Variants in NELL2 observed in about 807,000 individuals in gnomAD.
NELL2 encodes the protein protein kinase C-binding protein NELL2.
In NELL2, 41 loss-of-function variants were observed where a neutral mutation model predicts 109.6. That is an observed-to-expected ratio of 0.37 (90% CI 0.29 to 0.49). The LOEUF is 0.49. Ranked by LOEUF, NELL2 falls within the 20% of genes least tolerant of loss-of-function variation. The pLI is 0.98. For synonymous variants in NELL2, 355 were observed against 344.7 expected, an observed-to-expected ratio of 1.03 and a Z score of -0.33; for missense variants, 900 against 1,008.3, an observed-to-expected ratio of 0.89 and a Z score of 1.45.
chr12:44,608,620 C>A (rs757131504), intron 14 of NELL2, among the ~76,000 whole-genome samples: 1 of 151,900 alleles, frequency 6.6e-6, no homozygotes, highest in African/African-American at 2.4e-5. Context: ...CAAGAATTAT[C>A]TGTCTGCATC....
At chr12:44,748,360 T>G (rs1273858477) in intron 9 of NELL2, among the ~76,000 whole-genome samples, 1 of 152,168 alleles carries the variant, frequency 6.6e-6, no homozygotes, top group Non-Finnish European at 1.5e-5. Context: ...AGTATTATTT[T>G]TCTCTACCCT....
chr12:44,821,202 CA>C (rs1943532609), intron 2 of NELL2, among the ~76,000 whole-genome samples: 1 of 152,156 alleles, frequency 6.6e-6, no homozygotes, highest in African/African-American at 2.4e-5. Context: ...GACTTGATAG[CA>C]GCAACAATTA....
intron 2 of NELL2, among the ~76,000 whole-genome samples, chr12:44,874,538 C>T (rs1370562380): frequency 6.6e-6 from 1 of 152,124 alleles, no homozygotes; most frequent in African/African-American, 2.4e-5. Context: ...TTGTGCCCAG[C>T]CAATATCCAT....
At chr12:44,708,506 G>T (rs1938013502) in intron 11 of NELL2, among the ~76,000 whole-genome samples, 2 of 152,162 alleles carry the variant, frequency 1.3e-5, no homozygotes, top group Non-Finnish European at 2.9e-5. Context: ...GAAACAGGAG[G>T]CCAATTTTAT....
At chr12:44,870,107 A>C (rs1284783137) in intron 2 of NELL2, among the ~76,000 whole-genome samples, 2 of 152,156 alleles carry the variant, frequency 1.3e-5, no homozygotes, top group African/African-American at 2.4e-5. Flanking sequence ...TCAGTTTATA[A>C]TAAAAATTCT....
At chr12:44,787,899 A>C (rs1004548862) in intron 3 of NELL2, among the ~76,000 whole-genome samples, 25 of 152,312 alleles carry the variant, frequency 1.6e-4, no homozygotes, top group African/African-American at 6.0e-4. Flanking sequence ...AAGTCTACAC[A>C]ATGAGTTCTT....
chr12:44,782,901 C>T (rs1947233212), intron 3 of NELL2, among the ~76,000 whole-genome samples: 1 of 151,996 alleles, frequency 6.6e-6, no homozygotes, highest in South Asian at 2.1e-4. Flanking sequence ...ATCCACTCAA[C>T]ACTTATAGAA....
intron 9 of NELL2, among the ~76,000 whole-genome samples, chr12:44,771,181 G>C (rs1941533294): frequency 6.6e-6 from 1 of 152,052 alleles, no homozygotes; most frequent in Non-Finnish European, 1.5e-5. Flanking sequence ...CCTGAGACCG[G>C]GATAAAGGAT....
intron 12 of NELL2, among the ~76,000 whole-genome samples, chr12:44,669,527 A>T (rs1948064252): frequency 6.6e-6 from 1 of 152,130 alleles, no homozygotes; most frequent in African/African-American, 2.4e-5. Context: ...TTGAATAAGA[A>T]ATTCAACAGA....
At chr12:44,638,634 T>G (rs1436410781) in intron 13 of NELL2, among the ~76,000 whole-genome samples, 1 of 152,096 alleles carries the variant, frequency 6.6e-6, no homozygotes, top group East Asian at 1.9e-4. Flanking sequence ...ATATTTTGAG[T>G]TGTAGAGGAT....
chr12:44,611,043 CT>C (rs1401684566), intron 13 of NELL2, 73 bp from the exon 14 acceptor site: 20 of 1,446,492 alleles, frequency 1.4e-5, no homozygotes, highest in Non-Finnish European at 1.9e-5. Context: ...CACCTTCAGT[CT>C]TGGTTATTGC....
At chr12:44,891,533 T>A (rs1215415137) in intron 1 of NELL2, among the ~76,000 whole-genome samples, 1 of 152,240 alleles carries the variant, frequency 6.6e-6, no homozygotes, top group Non-Finnish European at 1.5e-5. Flanking sequence ...ATTGTCATTG[T>A]TGTATTATTG....
chr12:44,738,072 T>G (rs1390653563), intron 9 of NELL2, among the ~76,000 whole-genome samples: 1 of 152,142 alleles, frequency 6.6e-6, no homozygotes, highest in African/African-American at 2.4e-5. Context: ...TTTCCCAAAA[T>G]AAAGGAAGTT....
chr12:44,766,123 T>C (rs1941324952), intron 9 of NELL2, among the ~76,000 whole-genome samples: 1 of 152,146 alleles, frequency 6.6e-6, no homozygotes, highest in African/African-American at 2.4e-5. Flanking sequence ...ATCTGAATTC[T>C]GCTTTATCAC....
intron 9 of NELL2, 138 bp from the exon 10 acceptor site, chr12:44,714,879 T>C: frequency 2.2e-6 from 1 of 456,610 alleles, no homozygotes; most frequent in Non-Finnish European, 3.9e-6. Context: ...CTCAATTCAA[T>C]CTACTGCAAG....
At chr12:44,794,468 G>T (rs1317978838) in intron 3 of NELL2, among the ~76,000 whole-genome samples, 1 of 152,030 alleles carries the variant, frequency 6.6e-6, no homozygotes. Context: ...AAGGAAGGGA[G>T]GAGCAGGTAG....
At chr12:44,860,912 G>A (rs1340679885) in intron 2 of NELL2, among the ~76,000 whole-genome samples, 1 of 152,158 alleles carries the variant, frequency 6.6e-6, no homozygotes, top group African/African-American at 2.4e-5. Flanking sequence ...GCCCACTGAA[G>A]TATCAACTCA....
chr12:44,698,279 C>T (rs1185494386), intron 12 of NELL2, among the ~76,000 whole-genome samples: 1 of 152,086 alleles, frequency 6.6e-6, no homozygotes, highest in Non-Finnish European at 1.5e-5. Context: ...TAACATAATT[C>T]AATTCATAAC....
intron 12 of NELL2, among the ~76,000 whole-genome samples, chr12:44,679,027 T>C (rs1029534805): frequency 5.9e-5 from 9 of 152,070 alleles, no homozygotes; most frequent in Non-Finnish European, 1.0e-4. Context: ...TTAAGCATAA[T>C]TAAATGCTGA....
Sources: allele counts gnomAD v4.1 joint callset (sites outside exome capture counted in the v4.1 genomes callset), GRCh38; gene constraint gnomAD v4.1.1; transcripts MANE v1.5; gene names NCBI Gene and HGNC (gene_info 2026-07-23, HGNC 2026-07-21).